Variants in LY96 observed in about 807,000 individuals in gnomAD.
The protein encoded by LY96 is lymphocyte antigen 96, also known as myeloid differentiation protein-2.
LY96 carries 18 observed loss-of-function variants against 18.9 expected under a neutral mutation model. That is an observed-to-expected ratio of 0.95 (90% confidence interval 0.66 to 1.41). The LOEUF (loss-of-function observed/expected upper bound fraction) is 1.41, where lower values mean the gene tolerates loss of function less well. Among genes scored for constraint, LY96 ranks in the 40% most tolerant of loss-of-function variants. The pLI, the probability that LY96 is intolerant of heterozygous loss-of-function variation, is 0.00. For missense variants in LY96, 175 were observed against 182.4 expected (o/e 0.96, Z 0.23); for synonymous variants, 66 against 62.6 (o/e 1.06, Z -0.26).
chr8:74,017,962 G>T (rs1001695003), intron 3 of LY96, among the ~76,000 whole-genome samples: 1 of 152,174 alleles, frequency 6.6e-6, no homozygotes, highest in Admixed American at 6.5e-5. Context: ...AAATTGTAGC[G>T]ACTATTGATG....
the LY96 span, among the ~76,000 whole-genome samples, chr8:74,088,559 C>T: frequency 5.3e-5 from 8 of 152,094 alleles, no homozygotes; most frequent in Non-Finnish European, 8.8e-5. Context: ...CAGACTGTGA[C>T]CCTTTCCTAC....
At chr8:74,071,669 T>A in the LY96 span, among the ~76,000 whole-genome samples, 1 of 152,232 alleles carries the variant, frequency 6.6e-6, no homozygotes, top group Non-Finnish European at 1.5e-5. Flanking sequence ...CCTAGAGGCT[T>A]GCCATCCTAT....
chr8:74,015,734 C>G (rs1816628563), intron 3 of LY96, among the ~76,000 whole-genome samples: 1 of 152,212 alleles, frequency 6.6e-6, no homozygotes, highest in Non-Finnish European at 1.5e-5. Context: ...GAAAACTAGA[C>G]TGGACCATGA....
At chr8:74,066,070 G>C in the LY96 span, among the ~76,000 whole-genome samples, 2 of 152,134 alleles carry the variant, frequency 1.3e-5, no homozygotes, top group East Asian at 1.9e-4. Flanking sequence ...GCTTAGACTG[G>C]ATAATTTATA....
rs1816004972 is a variant in LY96, at chr8:73,991,571, A to G, written c.112+17A>G. The G allele has an allele frequency of 7.2e-7, 1 of 1,397,730 alleles. No homozygotes were observed. Among genetic ancestry groups the G allele is most frequent in the Non-Finnish European group, 1.0e-6 (1 of 983,328 alleles). The allele number at this position is 1,397,730 out of a possible 1,614,324, so 86.6% of individuals were successfully genotyped here. A position where few individuals can be genotyped will look rare whatever the true frequency, so the allele number is the denominator to read the frequency against. ...CCTACTGTGGTAAGTAAAACCGCAA[A>G]ACAAATAATTGTAGCATCAACTATT... On this transcript the variant is annotated intron_variant, in intron 1 of 4. Coordinates refer to ENST00000284818, the MANE Select transcript of LY96 (RefSeq NM_015364.5).
At chr8:74,004,166 C>T (rs942288209) in intron 1 of LY96, among the ~76,000 whole-genome samples, 24 of 152,178 alleles carry the variant, frequency 1.6e-4, no homozygotes, top group East Asian at 1.9e-4. Flanking sequence ...TTTCCCTCCC[C>T]GGGAGAAAGC....
the LY96 span, among the ~76,000 whole-genome samples, chr8:74,072,675 C>T: frequency 9.2e-5 from 14 of 152,102 alleles, no homozygotes; most frequent in Non-Finnish European, 1.9e-4. Context: ...GCCAATCTAC[C>T]TGATGAGGTT....
the LY96 span, among the ~76,000 whole-genome samples, chr8:74,036,376 T>C: frequency 2.0e-5 from 3 of 152,224 alleles, no homozygotes; most frequent in South Asian, 4.1e-4. Flanking sequence ...TCTGTAATCC[T>C]GTACTGCTAA....
the LY96 span, among the ~76,000 whole-genome samples, chr8:74,045,166 G>C: frequency 6.6e-6 from 1 of 152,198 alleles, no homozygotes; most frequent in Non-Finnish European, 1.5e-5. Context: ...ACAAACAGAA[G>C]AACACTTGGT....
At chr8:73,993,160 T>G (rs1816046333) in intron 1 of LY96, among the ~76,000 whole-genome samples, 1 of 151,632 alleles carries the variant, frequency 6.6e-6, no homozygotes, top group Non-Finnish European at 1.5e-5. Context: ...CTTGCCCGGT[T>G]TATGCCACTC....
chr8:74,085,180 G>T, the LY96 span, among the ~76,000 whole-genome samples: 2 of 152,208 alleles, frequency 1.3e-5, no homozygotes, highest in Non-Finnish European at 2.9e-5. Context: ...AACCCTGTGA[G>T]TAAGATAGTC....
At chr8:74,096,201 C>T in the LY96 span, among the ~76,000 whole-genome samples, 1 of 152,178 alleles carries the variant, frequency 6.6e-6, no homozygotes, top group Non-Finnish European at 1.5e-5. Context: ...TGCCTTTTAG[C>T]TGGTCTTCAA....
chr8:74,018,413 A>T (rs1226652036), intron 3 of LY96, among the ~76,000 whole-genome samples: 9 of 152,288 alleles, frequency 5.9e-5, no homozygotes, highest in Non-Finnish European at 1.0e-4. Flanking sequence ...GAGCACCCAG[A>T]TTCATAAAGC....
chr8:73,999,156 G>T (rs1418208053), intron 1 of LY96, among the ~76,000 whole-genome samples: 1 of 152,014 alleles, frequency 6.6e-6, no homozygotes, highest in Non-Finnish European at 1.5e-5. Context: ...TTTTAGTAGA[G>T]ATAGGGTTTC....
At chr8:74,034,729 T>C in the LY96 span, among the ~76,000 whole-genome samples, 3 of 152,178 alleles carry the variant, frequency 2.0e-5, no homozygotes, top group African/African-American at 4.8e-5. Context: ...TCCAATTTGT[T>C]TTTCACTGAA....
At chr8:74,071,662 A>G in the LY96 span, among the ~76,000 whole-genome samples, 2 of 152,226 alleles carry the variant, frequency 1.3e-5, no homozygotes, top group African/African-American at 4.8e-5. Flanking sequence ...AGGCCTACCT[A>G]GAGGCTTGCC....
intron 3 of LY96, among the ~76,000 whole-genome samples, chr8:74,018,638 T>C (rs1323533140): frequency 6.6e-6 from 1 of 152,140 alleles, no homozygotes; most frequent in African/African-American, 2.4e-5. Flanking sequence ...CAGCACCACA[T>C]TGCACTTATT....
chr8:73,991,782 A>C (rs1816009775), intron 1 of LY96, among the ~76,000 whole-genome samples: 1 of 152,090 alleles, frequency 6.6e-6, no homozygotes, highest in African/African-American at 2.4e-5. Context: ...CTTGACCTCC[A>C]AGTGCTTCTG....
the LY96 span, among the ~76,000 whole-genome samples, chr8:74,085,134 T>C: frequency 2.6e-5 from 4 of 152,240 alleles, no homozygotes; most frequent in Admixed American, 1.3e-4. Flanking sequence ...CGGCAGTAAA[T>C]GATTTATGTG....
Sources: allele counts gnomAD v4.1 joint callset (sites outside exome capture counted in the v4.1 genomes callset), GRCh38; gene constraint gnomAD v4.1.1; transcripts MANE v1.5; gene names NCBI Gene and HGNC (gene_info 2026-07-23, HGNC 2026-07-21).